Variants in PCDHGA1 observed in about 807,000 individuals in gnomAD.
The protein encoded by PCDHGA1 is protocadherin gamma-A1.
In PCDHGA1, 32 loss-of-function variants were observed where a neutral mutation model predicts 58.0. The observed-to-expected ratio is 0.55, with a 90% confidence interval of 0.42 to 0.74. The LOEUF (loss-of-function observed/expected upper bound fraction) is 0.74. Ranked by LOEUF, PCDHGA1 falls within the 30% of genes least tolerant of loss-of-function variation. The probability of loss-of-function intolerance (pLI) is 0.00; values close to 1 mark genes in which losing one functional copy is unlikely to be tolerated. For synonymous variants in PCDHGA1, 498 were observed against 501.1 expected (o/e 0.99, Z 0.08); for missense variants, 1,205 against 1,182.3 (o/e 1.02, Z -0.28).
chr5:141,340,866 T>C (rs1194724338), intron 1 of PCDHGA1: 1 of 1,613,562 alleles, frequency 6.2e-7, no homozygotes, highest in Non-Finnish European at 8.5e-7. Context: ...GCGCGAGCCC[T>C]GCTGGACAGA....
chr5:141,352,505 A>G (rs762426653), intron 1 of PCDHGA1: 15 of 1,613,806 alleles, frequency 9.3e-6, no homozygotes, highest in Admixed American at 8.3e-5. Flanking sequence ...CTATTCCTAC[A>G]ATCTATGTAT....
intron 1 of PCDHGA1, among the ~76,000 whole-genome samples, chr5:141,406,290 G>A (rs2094788974): frequency 6.6e-6 from 1 of 151,998 alleles, no homozygotes; most frequent in Non-Finnish European, 1.5e-5. Flanking sequence ...AAAGCACTGG[G>A]TGAGGTGTGA....
chr5:141,356,907 T>G (rs17097226), intron 1 of PCDHGA1: 153,078 of 1,614,072 alleles, frequency 0.095, 9,003 homozygotes, highest in African/African-American at 0.29. Context: ...CCTTCCCTAC[T>G]GATGGCTCCA....
intron 1 of PCDHGA1, chr5:141,385,218 C>G (rs765263628): frequency 6.2e-7 from 1 of 1,614,234 alleles, no homozygotes; most frequent in South Asian, 1.1e-5. Flanking sequence ...TCCCCCAGCC[C>G]AACTATGTAG....
At chr5:141,337,877 T>C (rs1439490815) in intron 1 of PCDHGA1, among the ~76,000 whole-genome samples, 3 of 152,200 alleles carry the variant, frequency 2.0e-5, no homozygotes, top group African/African-American at 7.2e-5. Context: ...CAATTTTGAG[T>C]GACTGATTCC....
chr5:141,496,723 T>G (rs1312615861), intron 2 of PCDHGA1, among the ~76,000 whole-genome samples: 3 of 152,212 alleles, frequency 2.0e-5, no homozygotes, highest in Non-Finnish European at 4.4e-5. Context: ...AAGTCATTAA[T>G]GTATTCATTC....
intron 3 of PCDHGA1, among the ~76,000 whole-genome samples, chr5:141,509,211 C>T (rs962706371): frequency 2.0e-5 from 3 of 152,180 alleles, no homozygotes; most frequent in African/African-American, 4.8e-5. Context: ...CTCTCTATTT[C>T]TCAATCCCTG....
chr5:141,332,786 C>T lies in PCDHGA1; in HGVS notation c.2102C>T (p.Ser701Phe), dbSNP rs1756427488. The T allele has an allele frequency of 6.2e-7, 1 of 1,614,172 alleles. No individual in the cohort carries two copies. The highest frequency in any genetic ancestry group is 8.5e-7 in the Non-Finnish European group (1 of 1,180,024). ...CTGGTGGTGGCGGCGGCCGCGGTCT[C>T]CTGCGTCTTCCTGGCCTTCGTCATC... ...LYLVVAAAAVSCVFLAFVIVL... is the reference protein window; with the variant it reads ...LYLVVAAAAVFCVFLAFVIVL... The change falls in exon 1 of 4, where the codon TCC (serine) becomes TTC (phenylalanine). Residue 701 changes from serine (S) to phenylalanine (F), a missense_variant. Transcript: ENST00000517417. This position sits in a 1 kb window ranked among gnomAD's most constrained non-coding sequence, Gnocchi z 4.6.
At chr5:141,407,135 G>T (rs2094890312) in intron 1 of PCDHGA1, among the ~76,000 whole-genome samples, 1 of 151,812 alleles carries the variant, frequency 6.6e-6, no homozygotes, top group African/African-American at 2.4e-5. Context: ...TTATTTTTAA[G>T]AAAAAAAAGC....
chr5:141,395,077 A>G (rs2093162583), intron 1 of PCDHGA1: 3 of 1,614,024 alleles, frequency 1.9e-6, no homozygotes, highest in Non-Finnish European at 2.5e-6. Flanking sequence ...ACCTATTCCC[A>G]GGAAGTCTCC....
intron 1 of PCDHGA1, chr5:141,356,784 G>A: frequency 6.2e-7 from 1 of 1,613,948 alleles, no homozygotes; most frequent in East Asian, 2.2e-5. Flanking sequence ...TTAGAGACCT[G>A]CAGCTGCTGA....
intron 1 of PCDHGA1, chr5:141,404,860 T>C (rs3749769): frequency 0.09 from 144,859 of 1,613,622 alleles, 7,500 homozygotes; most frequent in African/African-American, 0.18. Context: ...TAGATAGAGA[T>C]GCGCTCAAAC....
intron 1 of PCDHGA1, chr5:141,389,722 G>T (rs141134077): frequency 1.9e-6 from 3 of 1,612,560 alleles, no homozygotes; most frequent in Non-Finnish European, 1.7e-6. Context: ...AGCGAGCCCG[G>T]GCTCTTCAGC....
At chr5:141,368,154 C>CTGTAT (rs1765511938) in intron 1 of PCDHGA1, among the ~76,000 whole-genome samples, 3 of 152,024 alleles carry the variant, frequency 2.0e-5, no homozygotes, top group Admixed American at 6.6e-5. Flanking sequence ...CTTTTAAAAC[C>CTGTAT]TTGAGCATCA....
At position 141,486,927 on chromosome 5, in the gene PCDHGA1, G is replaced by T. The variant is rs2099637231; in HGVS notation, c.2422-7880G>T. On this transcript the variant is annotated intron_variant, in intron 1 of 3. Transcript: ENST00000517417. The surrounding 1 kb of genome is among the most constrained non-coding windows in gnomAD (Gnocchi z 5.0). ...CCCCAAGCACTGCCTCCATCAGTTG[G>T]TGCTGGCCACCTAATCACAAAGGTG... 1 of 1,614,108 alleles carries T rather than the reference G, an allele frequency of 6.2e-7. No homozygotes were observed. Among genetic ancestry groups the T allele is most frequent in the Non-Finnish European group, 8.5e-7 (1 of 1,180,054 alleles).
intron 1 of PCDHGA1, among the ~76,000 whole-genome samples, chr5:141,447,984 G>C (rs1300057273): frequency 6.6e-6 from 1 of 151,952 alleles, no homozygotes; most frequent in African/African-American, 2.4e-5. Context: ...TACTCGGGAG[G>C]CTGAGGCATG....
At chr5:141,442,111 C>G (rs1265830634) in intron 1 of PCDHGA1, 1 of 166,236 alleles carries the variant, frequency 6.0e-6, no homozygotes, top group Non-Finnish European at 1.3e-5. Context: ...CACTACCGCC[C>G]CTCGTCGCCG....
intron 1 of PCDHGA1, chr5:141,427,298 G>C (rs960474831): frequency 4.4e-6 from 2 of 456,752 alleles, no homozygotes; most frequent in East Asian, 1.4e-4. Context: ...TCCTAGATGA[G>C]AATGACAATG....
chr5:141,393,656 C>T (rs762750239), intron 1 of PCDHGA1: 2 of 1,613,868 alleles, frequency 1.2e-6, no homozygotes, highest in East Asian at 4.5e-5. Context: ...CATACAAATT[C>T]CGGAAAATTA....
Sources: allele counts gnomAD v4.1 joint callset (sites outside exome capture counted in the v4.1 genomes callset), GRCh38; gene constraint gnomAD v4.1.1; non-coding constraint Gnocchi (gnomAD v3.1); transcripts MANE v1.5; gene names NCBI Gene and HGNC (gene_info 2026-07-23, HGNC 2026-07-21).